NRG3: variants seen among roughly 807,000 people sequenced by gnomAD.
NRG3 encodes neuregulin 3.
In NRG3, 31 loss-of-function variants were observed where a neutral mutation model predicts 66.9. The observed-to-expected ratio is 0.46, with a 90% CI of 0.35 to 0.63. The LOEUF is 0.63. NRG3 is among the 20% of genes least tolerant of loss of function. The pLI, the probability that NRG3 is intolerant of heterozygous loss-of-function variation, is 0.00. For synonymous variants in NRG3, 393 were observed against 359.4 expected (o/e 1.09, Z -1.06); for missense variants, 910 against 878.9 (o/e 1.04, Z -0.45).
Position 82,527,228 on chromosome 10 carries a change from T to A in NRG3, c.953+168360T>A, listed in dbSNP as rs191164900. On this transcript the variant is annotated intron_variant, in intron 2 of 8. Transcript: ENST00000372141. ...AAATACAACATCTACAGATGTCAACTTGAATGAATCATGCCATCAAATCTT... is the reference window on the plus strand; with the variant it reads ...AAATACAACATCTACAGATGTCAACATGAATGAATCATGCCATCAAATCTT... Among the ~76,000 whole-genome samples, 253 of 152,116 alleles carry A rather than the reference T, an allele frequency of 1.7e-3. 1 individual carries two copies. Among genetic ancestry groups the A allele is most frequent in the African/African-American group, 5.3e-3 (222 of 41,534 alleles).
chr10:82,223,388 C>T (rs2076026770), intron 1 of NRG3, among the ~76,000 whole-genome samples: 1 of 152,108 alleles, frequency 6.6e-6, no homozygotes, highest in Non-Finnish European at 1.5e-5. Flanking sequence ...TAATAGTCTG[C>T]ACCCTAGATC....
intron 1 of NRG3, among the ~76,000 whole-genome samples, chr10:82,165,044 G>A (rs1396935344): frequency 1.3e-5 from 2 of 152,048 alleles, no homozygotes; most frequent in Non-Finnish European, 2.9e-5. Flanking sequence ...TCTATGTATA[G>A]ATAGACATAA....
chr10:82,719,293 T>C (rs1271356998), intron 2 of NRG3, among the ~76,000 whole-genome samples: 1 of 152,190 alleles, frequency 6.6e-6, no homozygotes. Context: ...AGACCTCTAT[T>C]ATGTGGAATG....
chr10:82,419,383 A>G lies in NRG3; in HGVS notation c.953+60515A>G, dbSNP rs140239116. The stretch of plus-strand genomic sequence containing the variant: ...GTCTTGCTTAGGTTTGGAACAACAC[A>G]GGTTTTCTTGATCACTTGTCTAAAA... On this transcript the variant is annotated intron_variant, in intron 2 of 8. Transcript: ENST00000372141. Among the ~76,000 whole-genome samples the G allele has an allele frequency of 1.4e-4, 21 of 152,332 alleles. No individual in the cohort carries two copies. The East Asian group carries it at 3.5e-3, about 25-fold the overall frequency.
rs528566942 is a variant in NRG3, at chr10:81,993,291, T to G, written c.823+117128T>G. On this transcript the variant is annotated intron_variant, in intron 1 of 8. Coordinates refer to ENST00000372141, the MANE Select transcript of NRG3 (RefSeq NM_001010848.4). ...GAAACTAAAGCCTAGAGAGAGGATA[T>G]TAGTTGACCATGAGCACACAGCTTA... 3.3e-5 allele frequency among the ~76,000 whole-genome samples: 5 copies of G among 152,282 alleles called. No individual in the cohort carries two copies. The South Asian group carries it at 1.0e-3, about 32-fold the overall frequency.
intron 2 of NRG3, among the ~76,000 whole-genome samples, chr10:82,586,831 G>T (rs2046700766): frequency 6.6e-6 from 1 of 152,008 alleles, no homozygotes; most frequent in Admixed American, 6.5e-5. Flanking sequence ...TATGTATATT[G>T]TTAACAATTT....
intron 3 of NRG3, among the ~76,000 whole-genome samples, chr10:82,745,140 G>A (rs1431213540): frequency 6.6e-6 from 1 of 152,192 alleles, no homozygotes; most frequent in Non-Finnish European, 1.5e-5. Flanking sequence ...AGTGGAAGGA[G>A]AGATCTGGTG....
chr10:82,259,554 A>C (rs2077909805), intron 1 of NRG3, among the ~76,000 whole-genome samples: 1 of 152,196 alleles, frequency 6.6e-6, no homozygotes. Flanking sequence ...ACTTAGAAAA[A>C]GAAATATTAA....
chr10:82,627,086 C>T (rs2049481484), intron 2 of NRG3, among the ~76,000 whole-genome samples: 1 of 151,908 alleles, frequency 6.6e-6, no homozygotes, highest in Non-Finnish European at 1.5e-5. Flanking sequence ...CTCCTGACAA[C>T]AGTCCTGACC....
At chr10:82,109,569 GTGTGTGTGTA>G (rs879508201) in intron 1 of NRG3, among the ~76,000 whole-genome samples, 202 of 135,788 alleles carry the variant, frequency 1.5e-3, no homozygotes, top group Admixed American at 8.3e-3. Context: ...GTGTGTGTGT[GTGTGTGTGTA>G]TATATATATT....
chr10:82,572,761 C>G (rs964217765), intron 2 of NRG3, among the ~76,000 whole-genome samples: 1 of 151,664 alleles, frequency 6.6e-6, no homozygotes, highest in Non-Finnish European at 1.5e-5. Context: ...CAGCTGAAAC[C>G]AGTACTTTAG....
chr10:82,423,113 A>G (rs774518056), intron 2 of NRG3, among the ~76,000 whole-genome samples: 4 of 151,952 alleles, frequency 2.6e-5, no homozygotes, highest in Non-Finnish European at 5.9e-5. Context: ...GACTAAAAAC[A>G]ATTTCTAGAA....
intron 1 of NRG3, among the ~76,000 whole-genome samples, chr10:82,055,409 A>T (rs2063791757): frequency 6.9e-6 from 1 of 145,254 alleles, no homozygotes; most frequent in Admixed American, 7.0e-5. Flanking sequence ...CCCAGAAGGC[A>T]GAGTTTGCAG....
At chr10:82,627,946 A>G (rs971736956) in intron 2 of NRG3, among the ~76,000 whole-genome samples, 60 of 152,186 alleles carry the variant, frequency 3.9e-4, no homozygotes, top group African/African-American at 1.4e-3. Flanking sequence ...GAATTGCCTC[A>G]TTTAACCTTC....
intron 1 of NRG3, among the ~76,000 whole-genome samples, chr10:81,911,685 A>G (rs542343823): frequency 1.9e-5 from 2 of 102,814 alleles, no homozygotes; most frequent in African/African-American, 7.7e-5. Flanking sequence ...TACTGTTATT[A>G]TTGTTGAAAC....
At chr10:82,701,685 G>A (rs1056967744) in intron 2 of NRG3, among the ~76,000 whole-genome samples, 2 of 152,104 alleles carry the variant, frequency 1.3e-5, no homozygotes, top group Non-Finnish European at 2.9e-5. Flanking sequence ...TAGTAGTAGC[G>A]TTAATGTTAT....
intron 3 of NRG3, among the ~76,000 whole-genome samples, chr10:82,841,136 A>G (rs1391256770): frequency 6.6e-6 from 1 of 152,146 alleles, no homozygotes; most frequent in Non-Finnish European, 1.5e-5. Context: ...TATGCTGCCA[A>G]AAGCCCAGGA....
At chr10:82,453,693 A>C (rs547772065) in intron 2 of NRG3, among the ~76,000 whole-genome samples, 9 of 152,260 alleles carry the variant, frequency 5.9e-5, no homozygotes, top group South Asian at 2.1e-4. Context: ...AAAAAAAAAA[A>C]AAAACCTAGT....
chr10:81,989,303 C>A (rs2060645158), intron 1 of NRG3, among the ~76,000 whole-genome samples: 1 of 151,744 alleles, frequency 6.6e-6, no homozygotes, highest in African/African-American at 2.4e-5. Context: ...AAAGAGTTAT[C>A]AGTCTATAGA....
Sources: allele counts gnomAD v4.1 joint callset (sites outside exome capture counted in the v4.1 genomes callset), GRCh38; gene constraint gnomAD v4.1.1; transcripts MANE v1.5; gene names NCBI Gene and HGNC (gene_info 2026-07-23, HGNC 2026-07-21).